Variants in RORB observed in about 807,000 individuals in gnomAD.
RORB encodes the protein nuclear receptor ROR-beta.
In RORB, 6 loss-of-function variants were observed where a neutral mutation model predicts 59.1. The observed-to-expected ratio is 0.10, with a 90% CI of 0.06 to 0.20. The LOEUF is 0.20. Ranked by LOEUF, RORB falls within the 10% of genes least tolerant of loss-of-function variation. The pLI is 1.00. For missense variants in RORB, 320 were observed against 560.5 expected (o/e 0.57, Z 4.33); for synonymous variants, 215 against 204.5 (o/e 1.05, Z -0.44).
At chr9:74,555,442 G>A (rs1822272915) in intron 1 of RORB, among the ~76,000 whole-genome samples, 1 of 152,100 alleles carries the variant, frequency 6.6e-6, no homozygotes, top group South Asian at 2.1e-4. Context: ...ACTTTTGATG[G>A]GAGAGAAATA....
intron 1 of RORB, among the ~76,000 whole-genome samples, chr9:74,628,716 T>A (rs761646707): frequency 3.3e-5 from 5 of 152,238 alleles, no homozygotes; most frequent in Non-Finnish European, 7.3e-5. Flanking sequence ...AGTGGCAGAT[T>A]GATATACAAC....
At chr9:74,614,945 G>A (rs1007894281) in intron 1 of RORB, among the ~76,000 whole-genome samples, 5 of 152,126 alleles carry the variant, frequency 3.3e-5, no homozygotes, top group African/African-American at 1.2e-4. Context: ...TTCAGGTGTG[G>A]GGCCCGGTGA....
In RORB at chr9:74,671,907, T is replaced by C. The variant is rs1824351689; in HGVS notation, c.1224+6T>C. 2.0e-6 allele frequency: 3 copies of C among 1,524,500 alleles called. No individual in the cohort carries two copies. Among genetic ancestry groups the C allele is most frequent in the Non-Finnish European group, 2.7e-6 (3 of 1,102,846 alleles). The allele number at this position is 1,524,500 out of a possible 1,614,324, so 94.4% of individuals were successfully genotyped here. A position where few individuals can be genotyped will look rare whatever the true frequency, so the allele number is the denominator to read the frequency against. On this transcript the variant is annotated splice_donor_region_variant and intron_variant, in intron 9 of 9. Transcript: ENST00000376896. ...ATGATGAGACCTTGGCAAAGGTAGG[T>C]CCACAGATCACAGAGCCACCACCAC...
At chr9:74,542,342 C>T (rs1019930488) in intron 1 of RORB, among the ~76,000 whole-genome samples, 4 of 152,068 alleles carry the variant, frequency 2.6e-5, no homozygotes, top group African/African-American at 4.8e-5. Context: ...TAACACCAAA[C>T]GTATTTGCAA....
intron 1 of RORB, among the ~76,000 whole-genome samples, chr9:74,568,940 C>G (rs1437091674): frequency 6.6e-6 from 1 of 151,874 alleles, no homozygotes; most frequent in Non-Finnish European, 1.5e-5. Context: ...AAATCATACA[C>G]TCAAAAAAGC....
At position 74,685,819 on chromosome 9, in the gene RORB, T is replaced by G; in HGVS notation, c.*201T>G. ...GCTCTTTTATTTGTTTGTTTGTTTTTGAAATGACCATAAATATACAAATAT... is the reference window on the plus strand; with the variant it reads ...GCTCTTTTATTTGTTTGTTTGTTTTGGAAATGACCATAAATATACAAATAT... On this transcript the variant is annotated 3_prime_UTR_variant, in exon 10 of 10. Transcript: ENST00000376896. 2 of 382,058 alleles carry G rather than the reference T, an allele frequency of 5.2e-6. No homozygotes were observed. The highest frequency in any genetic ancestry group is 9.3e-6 in the Non-Finnish European group (2 of 216,202). The allele number at this position is 382,058 out of a possible 1,614,324, so 23.7% of individuals were successfully genotyped here. A position where few individuals can be genotyped will look rare whatever the true frequency, so the allele number is the denominator to read the frequency against.
intron 9 of RORB, among the ~76,000 whole-genome samples, chr9:74,677,248 A>T (rs1381392749): frequency 6.6e-6 from 1 of 152,190 alleles, no homozygotes; most frequent in African/African-American, 2.4e-5. Flanking sequence ...GGAAGACGAG[A>T]AAGGGAGGCG....
At chr9:74,583,098 C>T (rs1822749158) in intron 1 of RORB, among the ~76,000 whole-genome samples, 1 of 152,100 alleles carries the variant, frequency 6.6e-6, no homozygotes, top group Admixed American at 6.5e-5. Flanking sequence ...GCATATGTTG[C>T]TCCCTCTACC....
chr9:74,566,010 T>C (rs1289384833), intron 1 of RORB, among the ~76,000 whole-genome samples: 2 of 152,218 alleles, frequency 1.3e-5, no homozygotes, highest in African/African-American at 2.4e-5. Flanking sequence ...AGTATTGCTC[T>C]CAGGCACTGA....
chr9:74,624,116 T>C (rs1230716216), intron 1 of RORB, among the ~76,000 whole-genome samples: 1 of 150,386 alleles, frequency 6.6e-6, no homozygotes, highest in Non-Finnish European at 1.5e-5. Flanking sequence ...GAAAATGATC[T>C]TCTTTTGTCA....
Position 74,652,177 on chromosome 9 carries a change from C to T in RORB, c.638-8440C>T, listed in dbSNP as rs562569585. Among the ~76,000 whole-genome samples the T allele has an allele frequency of 1.2e-4, 19 of 152,260 alleles. No homozygotes were observed. The South Asian group carries it at 3.5e-3, about 28-fold the overall frequency. On this transcript the variant is annotated intron_variant, in intron 4 of 9. Transcript: ENST00000376896. ...GGTGGCTCACTTTGGGAGGCCGAGGCGGGCAGATCATCTGAGGCCAGGAGT... is the reference window on the plus strand; with the variant it reads ...GGTGGCTCACTTTGGGAGGCCGAGGTGGGCAGATCATCTGAGGCCAGGAGT...
At chr9:74,531,127 T>G (rs1269264826) in intron 1 of RORB, among the ~76,000 whole-genome samples, 1 of 151,928 alleles carries the variant, frequency 6.6e-6, no homozygotes, top group Non-Finnish European at 1.5e-5. Context: ...CCTGAGAACA[T>G]TTTGCTAAGG....
At chr9:74,504,607 G>A (rs947348604) in intron 1 of RORB, among the ~76,000 whole-genome samples, 3 of 152,036 alleles carry the variant, frequency 2.0e-5, no homozygotes, top group African/African-American at 7.2e-5. Context: ...ATTTACTAAT[G>A]TCATTTTTGT....
At chr9:74,592,581 G>T (rs914855767) in intron 1 of RORB, among the ~76,000 whole-genome samples, 1 of 152,146 alleles carries the variant, frequency 6.6e-6, no homozygotes, top group East Asian at 1.9e-4. Context: ...TGAAGAGCCA[G>T]ACCCAAATGG....
At chr9:74,598,337 C>T (rs551369793) in intron 1 of RORB, among the ~76,000 whole-genome samples, 1 of 152,124 alleles carries the variant, frequency 6.6e-6, no homozygotes, top group South Asian at 2.1e-4. Flanking sequence ...CAAAATCTAC[C>T]ATTTATTCCC....
intron 1 of RORB, among the ~76,000 whole-genome samples, chr9:74,569,653 G>T (rs1822521154): frequency 6.6e-6 from 1 of 152,106 alleles, no homozygotes; most frequent in Admixed American, 6.5e-5. Flanking sequence ...GCTCATCATT[G>T]AAACCAGGTG....
intron 1 of RORB, among the ~76,000 whole-genome samples, chr9:74,520,434 G>A (rs777346020): frequency 3.4e-4 from 51 of 151,904 alleles, no homozygotes; most frequent in African/African-American, 1.1e-3. Context: ...GTTCTGCATC[G>A]GCTAGGATCG....
intron 5 of RORB, 126 bp downstream of exon 5, chr9:74,660,864 ATACT>A (rs1331298509): frequency 4.5e-5 from 43 of 953,854 alleles, no homozygotes; most frequent in Non-Finnish European, 6.5e-5. Flanking sequence ...AAATTGTTCG[ATACT>A]TACCAGCATC....
At chr9:74,671,385 G>A (rs1211839308) in intron 8 of RORB, among the ~76,000 whole-genome samples, 1 of 152,120 alleles carries the variant, frequency 6.6e-6, no homozygotes, top group Non-Finnish European at 1.5e-5. Flanking sequence ...GCTGAGAAAA[G>A]GAAAAGGGAT....
Sources: allele counts gnomAD v4.1 joint callset (sites outside exome capture counted in the v4.1 genomes callset), GRCh38; gene constraint gnomAD v4.1.1; transcripts MANE v1.5; gene names NCBI Gene and HGNC (gene_info 2026-07-23, HGNC 2026-07-21).